Variants in RPL13A observed in about 807,000 individuals in gnomAD.
The protein encoded by RPL13A is ribosomal protein L13a.
In RPL13A, 4 loss-of-function variants were observed where a neutral mutation model predicts 30.8. That is an observed-to-expected ratio of 0.13 (90% CI 0.06 to 0.30). The LOEUF (loss-of-function observed/expected upper bound fraction) is 0.30, where lower values mean the gene tolerates loss of function less well. RPL13A is among the 10% of genes least tolerant of loss of function. RPL13A has a pLI of 1.00. For synonymous variants in RPL13A, 108 were observed against 104.2 expected, an observed-to-expected ratio of 1.04 and a Z score of -0.22; for missense variants, 196 against 272.6, an observed-to-expected ratio of 0.72 and a Z score of 1.98.
rs770220730 is a variant in RPL13A at position 49,487,650 on chromosome 19, G to A, written c.15+6G>A. On this transcript the variant is annotated splice_donor_region_variant and intron_variant, in intron 1 of 7. Transcript: ENST00000391857. ...CGAAGATGGCGGAGGTGCAGGTATG[G>A]GCTCCGCGCGGGCCGGGGCGGCAAG... is the stretch of plus-strand genomic sequence containing the variant. The A allele has an allele frequency of 2.6e-6, 4 of 1,549,922 alleles. No homozygotes were observed. The highest frequency in any genetic ancestry group is 3.5e-6 in the Non-Finnish European group (4 of 1,150,304).
intron 1 of RPL13A, among the ~76,000 whole-genome samples, chr19:49,488,117 G>A (rs1417585242): frequency 4.6e-5 from 7 of 152,288 alleles, no homozygotes; most frequent in East Asian, 1.9e-4. Context: ...TGTTAATCGG[G>A]GTCCCCTGCA....
chr19:49,491,306 TTA>T (rs1568688547), intron 6 of RPL13A, 117 bp from the exon 7 acceptor site: 3 of 1,178,190 alleles, frequency 2.5e-6, no homozygotes, highest in Admixed American at 3.4e-5. Flanking sequence ...AACAGTTGCA[TTA>T]TGATATGCCC....
chr19:49,489,427 G>A (rs2079842440), intron 1 of RPL13A, among the ~76,000 whole-genome samples: 1 of 152,090 alleles, frequency 6.6e-6, no homozygotes, highest in Non-Finnish European at 1.5e-5. Flanking sequence ...CTTGATCCTG[G>A]GAGGTCACAG....
At chr19:49,488,373 C>T (rs2079829655) in intron 1 of RPL13A, among the ~76,000 whole-genome samples, 1 of 152,128 alleles carries the variant, frequency 6.6e-6, no homozygotes, top group African/African-American at 2.4e-5. Flanking sequence ...GGGATTGGCC[C>T]TGGAAAGGTT....
intron 6 of RPL13A, 37 bp downstream of exon 6, chr19:49,491,136 G>T: frequency 1.2e-6 from 2 of 1,611,846 alleles, no homozygotes; most frequent in Non-Finnish European, 8.5e-7. Context: ...CTACTTGGGA[G>T]ATTTCAGGCC....
chr19:49,492,107 T>C lies in RPL13A; in HGVS notation c.*292T>C, dbSNP rs141452481. 535 of 375,802 alleles carry C rather than the reference T, an allele frequency of 1.4e-3. 1 individual carries two copies. The highest frequency in any genetic ancestry group is 9.3e-3 in the African/African-American group (452 of 48,530). 23.3% of individuals were successfully genotyped at this position (375,802 alleles called of 1,614,324 possible). A position where few individuals can be genotyped will look rare whatever the true frequency, so the allele number is the denominator to read the frequency against. Reference sequence around the variant, plus strand: ...AGGGCCCTATCTTGTGAGTGGGGCATCTGTTGGACTTTCCACCTGGTCATA... The same window carrying C: ...AGGGCCCTATCTTGTGAGTGGGGCACCTGTTGGACTTTCCACCTGGTCATA... On this transcript the variant is annotated 3_prime_UTR_variant, in exon 8 of 8. Coordinates refer to ENST00000391857, the MANE Select transcript of RPL13A (RefSeq NM_012423.4).
At position 49,491,402 on chromosome 19, in the gene RPL13A, A is replaced by ACCCCCCCCCCCCCCCCCCC; in HGVS notation, c.403-5_403-4insCCCCCCCCCCCCCCCCCCC. 4 of 236,632 alleles carry ACCCCCCCCCCCCCCCCCCC rather than the reference A, an allele frequency of 1.7e-5. 1 individual carries two copies. The highest frequency in any genetic ancestry group is 3.1e-5 in the Non-Finnish European group (4 of 128,628). 14.7% of individuals were successfully genotyped at this position (236,632 alleles called of 1,614,324 possible). On this transcript the variant is annotated intron_variant, in intron 6 of 7. Transcript: ENST00000391857. Reference sequence around the variant, plus strand: ...GATATCCTTACAACTTCATTTGTTCACCCCCCCCCCCCCCCCCCGCAGTTT... The same window carrying ACCCCCCCCCCCCCCCCCCC: ...GATATCCTTACAACTTCATTTGTTCACCCCCCCCCCCCCCCCCCCCCCCCCCCCCCCCCCCCCGCAGTTT...
In RPL13A at chr19:49,490,497, C is replaced by T; in HGVS notation, c.177C>T (p.Arg59=). The T allele has an allele frequency of 6.2e-7, 1 of 1,614,206 alleles. No individual in the cohort carries two copies. Among genetic ancestry groups the T allele is most frequent in the Non-Finnish European group, 8.5e-7 (1 of 1,180,034 alleles). ...RNKLKYLAFL[R]KRMNTNPSRG... is the part of the protein sequence containing the mutation. ...TAGTGAAGTACCTGGCTTTCCTCCG[C>T]AAGCGGATGAACACCAACCCTTCCC... Residue 59 remains arginine (R), a synonymous_variant, in exon 4 of 8, where the codon CGC becomes CGT. Coordinates refer to ENST00000391857, the MANE Select transcript of RPL13A (RefSeq NM_012423.4).
At chr19:49,488,755 G>A (rs1485839593) in intron 1 of RPL13A, among the ~76,000 whole-genome samples, 1 of 152,248 alleles carries the variant, frequency 6.6e-6, no homozygotes, top group African/African-American at 2.4e-5. Flanking sequence ...ACCCAGGCTG[G>A]AGTGCAATGG....
rs71180637 is a variant in RPL13A at position 49,491,402 on chromosome 19, A to ACCCC, written c.403-8_403-5dup. ...GATATCCTTACAACTTCATTTGTTC[A>ACCCC]CCCCCCCCCCCCCCCCCCGCAGTTT... On this transcript the variant is annotated intron_variant, in intron 6 of 7. Coordinates refer to ENST00000391857, the MANE Select transcript of RPL13A (RefSeq NM_012423.4). 53 of 237,308 alleles carry ACCCC rather than the reference A, an allele frequency of 2.2e-4. 7 individuals are homozygous for ACCCC. Among genetic ancestry groups the ACCCC allele is most frequent in the African/African-American group, 1.8e-3 (34 of 18,872 alleles). 14.7% of individuals were successfully genotyped at this position (237,308 alleles called of 1,614,324 possible). A position where few individuals can be genotyped will look rare whatever the true frequency, so the allele number is the denominator to read the frequency against.
At chr19:49,488,387 T>C (rs2079829913) in intron 1 of RPL13A, among the ~76,000 whole-genome samples, 1 of 152,192 alleles carries the variant, frequency 6.6e-6, no homozygotes, top group African/African-American at 2.4e-5. Flanking sequence ...AAAGGTTTCT[T>C]TGTGAGTAGT....
At chr19:49,490,720 G>C (rs2122621455) in intron 4 of RPL13A, 59 bp from the exon 5 acceptor site, 1 of 1,583,150 alleles carries the variant, frequency 6.3e-7, no homozygotes, top group South Asian at 1.1e-5. Context: ...CACCTCAGTG[G>C]GGTGGGTGGG....
intron 1 of RPL13A, among the ~76,000 whole-genome samples, chr19:49,489,401 T>TGAGGTGGGAGGATAGCTTGATCCTGG (rs2079842208): frequency 2.6e-5 from 4 of 151,860 alleles, no homozygotes; most frequent in African/African-American, 9.7e-5. Context: ...CTCATGAGGC[T>TGAGGTGGGAGGATAGCTTGATCCTGG]GAGGTGGGAG....
At position 49,491,409 on chromosome 19, in the gene RPL13A, C is replaced by CCT; in HGVS notation, c.403-15_403-14insTC. ...TTACAACTTCATTTGTTCACCCCCC[C>CCT]CCCCCCCCCCCGCAGTTTGCCTATC... is the stretch of plus-strand genomic sequence containing the variant. On this transcript the variant is annotated splice_polypyrimidine_tract_variant and intron_variant, in intron 6 of 7. Transcript: ENST00000391857. 1 of 532,768 alleles carries CCT rather than the reference C, an allele frequency of 1.9e-6. No homozygotes were observed. The highest frequency in any genetic ancestry group is 2.0e-5 in the South Asian group (1 of 49,120). The allele number at this position is 532,768 out of a possible 1,614,324, so 33.0% of individuals were successfully genotyped here. A position where few individuals can be genotyped will look rare whatever the true frequency, so the allele number is the denominator to read the frequency against.
intron 5 of RPL13A, 34 bp from the exon 6 acceptor site, chr19:49,491,005 TC>T (rs1365753733): frequency 6.2e-6 from 10 of 1,613,594 alleles, no homozygotes; most frequent in Non-Finnish European, 8.5e-6. Flanking sequence ...TGTCTGTCCC[TC>T]CCGGGCTCTT....
intron 2 of RPL13A, 137 bp downstream of exon 2, chr19:49,490,059 T>A: frequency 1.0e-6 from 1 of 1,000,748 alleles, no homozygotes; most frequent in Non-Finnish European, 1.6e-6. Flanking sequence ...CCAGCCACTC[T>A]TCCCCAGGGT....
rs879309448 is a variant in RPL13A, at chr19:49,488,188, G to T, written c.15+544G>T. ...GGGGGTCGAGAGCTGTTGGCTGCGG[G>T]GCACTCTGGAATGAACTCGTTTTCC... On this transcript the variant is annotated intron_variant, in intron 1 of 7. Transcript: ENST00000391857. Among the ~76,000 whole-genome samples the T allele has an allele frequency of 5.7e-4, 87 of 152,316 alleles. 1 individual carries two copies. Among genetic ancestry groups the T allele is most frequent in the Admixed American group, 1.1e-3 (17 of 15,292 alleles).
chr19:49,491,402 A>AGGG, intron 6 of RPL13A, 23 bp from the exon 7 acceptor site: 4 of 236,626 alleles, frequency 1.7e-5, no homozygotes, highest in South Asian at 7.0e-5. Flanking sequence ...TCATTTGTTC[A>AGGG]CCCCCCCCCC....
intron 6 of RPL13A, 23 bp from the exon 7 acceptor site, chr19:49,491,402 A>ACCCCCCCCCCCCCCCCCCCCCCC: frequency 8.5e-6 from 2 of 236,632 alleles, no homozygotes; most frequent in Non-Finnish European, 1.6e-5. Flanking sequence ...TCATTTGTTC[A>ACCCCCCCCCCCCCCCCCCCCCCC]CCCCCCCCCC....
Sources: allele counts gnomAD v4.1 joint callset (sites outside exome capture counted in the v4.1 genomes callset), GRCh38; gene constraint gnomAD v4.1.1; transcripts MANE v1.5; gene names NCBI Gene and HGNC (gene_info 2026-07-23, HGNC 2026-07-21).